Variants in CYTIP observed in about 807,000 individuals in gnomAD.
The protein encoded by CYTIP is cytohesin-interacting protein.
A neutral mutation model predicts 43.8 loss-of-function variants in CYTIP; 26 were observed. The observed-to-expected ratio is 0.59, with a 90% CI of 0.44 to 0.82. The LOEUF is 0.82. CYTIP is among the 40% of genes least tolerant of loss of function. CYTIP has a pLI of 0.00. For synonymous variants in CYTIP, 162 were observed against 162.9 expected, an observed-to-expected ratio of 0.99 and a Z score of 0.04; for missense variants, 426 against 443.1, an observed-to-expected ratio of 0.96 and a Z score of 0.35.
chr2:157,434,843 T>G, intron 1 of CYTIP, 96 bp from the exon 2 acceptor site: 4 of 375,772 alleles, frequency 1.1e-5, no homozygotes, highest in South Asian at 9.2e-5. Flanking sequence ...TCTCTCTCTC[T>G]CTCTCTCACA....
Position 157,415,741 on chromosome 2 carries a change from T to C in CYTIP, c.1016A>G (p.Lys339Arg). Residue 339 changes from lysine (K) to arginine (R), a missense_variant, in exon 8 of 8, where the codon AAG becomes AGG. By Grantham distance (26) the Lys-to-Arg change is conservative. Transcript: ENST00000264192. ...PRKSRKGSVR[K>R]QLLKFIPGLH... ...GCCAGGGATAAATTTCAAGAGTTGC[T>C]TTCGGACACTTCCCTTTCTGCTCTT... 1 of 1,614,164 alleles carries C rather than the reference T, an allele frequency of 6.2e-7. No homozygotes were observed. Among genetic ancestry groups the C allele is most frequent in the Non-Finnish European group, 8.5e-7 (1 of 1,180,000 alleles).
chr2:157,440,096 G>A (rs1432582075), intron 1 of CYTIP, among the ~76,000 whole-genome samples: 1 of 152,144 alleles, frequency 6.6e-6, no homozygotes, highest in Non-Finnish European at 1.5e-5. Flanking sequence ...GGGTGCGGGG[G>A]AGAGGTTACT....
chr2:157,418,577 G>A lies in CYTIP; in HGVS notation c.559C>T (p.Gln187Ter). ...KLQVLKQTLK[Q>*]KWVEYRSLQL... The stretch of plus-strand genomic sequence containing the variant: ...AGAGATCTGTACTCCACCCATTTTT[G>A]TTTCAAAGTTTGCTGTGAGATTAAA... Residue 187 changes from glutamine to a stop codon, truncating the protein, a stop_gained, in exon 7 of 8, where the codon CAA (glutamine) becomes TAA (stop). Coordinates refer to ENST00000264192, the MANE Select transcript of CYTIP (RefSeq NM_004288.5). LOFTEE classifies it high-confidence loss of function. 1 of 1,384,774 alleles carries A rather than the reference G, an allele frequency of 7.2e-7. No individual in the cohort carries two copies. Among genetic ancestry groups the A allele is most frequent in the East Asian group, 2.7e-5 (1 of 36,826 alleles). 85.8% of individuals were successfully genotyped at this position (1,384,774 alleles called of 1,614,324 possible).
chr2:157,415,858 C>T lies in CYTIP; in HGVS notation c.899G>A (p.Arg300Lys). 6.2e-7 allele frequency: 1 copy of T among 1,614,210 alleles called. No homozygotes were observed. Among genetic ancestry groups the T allele is most frequent in the South Asian group, 1.1e-5 (1 of 91,082 alleles). ...GGTGTTACTGATGCTCCGGTTCCTC[C>T]TTGAAGATGACCTCCTCAGAAAATC... Reference protein sequence around the residue: ...GDDFLRRSSSRRNRSISNTSS... With the variant: ...GDDFLRRSSSKRNRSISNTSS... Residue 300 changes from arginine to lysine, a missense_variant, in exon 8 of 8, where the codon AGG becomes AAG. Arg to Lys is a conservative substitution (Grantham distance 26). Transcript: ENST00000264192.
intron 5 of CYTIP, 52 bp downstream of exon 5, chr2:157,430,507 T>C: frequency 6.7e-7 from 1 of 1,487,316 alleles, no homozygotes; most frequent in Admixed American, 1.7e-5. Flanking sequence ...CATCAGGCTT[T>C]ATGAGAAAAC....
At chr2:157,427,280 A>C in intron 6 of CYTIP, 71 bp downstream of exon 6, 1 of 1,307,898 alleles carries the variant, frequency 7.6e-7, no homozygotes, top group African/African-American at 1.5e-5. Flanking sequence ...CAGTTCCTCA[A>C]ATAGATCTTT....
At chr2:157,435,887 A>G (rs1307194323) in intron 1 of CYTIP, among the ~76,000 whole-genome samples, 1 of 152,234 alleles carries the variant, frequency 6.6e-6, no homozygotes, top group East Asian at 1.9e-4. Context: ...CAAGTTACAC[A>G]AATGAAATGC....
chr2:157,430,738 C>T, intron 4 of CYTIP, 86 bp from the exon 5 acceptor site: 1 of 1,475,040 alleles, frequency 6.8e-7, no homozygotes, highest in Non-Finnish European at 9.5e-7. Flanking sequence ...AGCTCCAAGT[C>T]TTAAAAACAT....
chr2:157,440,144 T>C (rs1685881248), intron 1 of CYTIP, among the ~76,000 whole-genome samples: 1 of 152,150 alleles, frequency 6.6e-6, no homozygotes, highest in Non-Finnish European at 1.5e-5. Context: ...GTTACTTGTT[T>C]CAAAGGCCCC....
intron 3 of CYTIP, chr2:157,434,151 G>A: frequency 1.7e-6 from 1 of 586,412 alleles, no homozygotes; most frequent in Non-Finnish European, 3.0e-6. Flanking sequence ...AGCACAAACT[G>A]CTGAGCATAT....
At chr2:157,429,325 CA>C (rs1177776905) in intron 5 of CYTIP, among the ~76,000 whole-genome samples, 77 of 152,286 alleles carry the variant, frequency 5.1e-4, no homozygotes, top group African/African-American at 1.9e-3. Flanking sequence ...TTCATTTGAC[CA>C]TCCTTCTCTT....
Position 157,415,987 on chromosome 2 carries a change from C to G in CYTIP, c.770G>C (p.Ser257Thr). 1 of 1,614,248 alleles carries G rather than the reference C, an allele frequency of 6.2e-7. No homozygotes were observed. Among genetic ancestry groups the G allele is most frequent in the Non-Finnish European group, 8.5e-7 (1 of 1,180,048 alleles). ...KSWLSSMTMD[S>T]EDGYQTCVSE... is the part of the protein sequence containing the mutation. ...CACACACGTCTGGTAGCCATCTTCA[C>G]TGTCCATCGTCATGGAGCTCAGCCA... The change falls in exon 8 of 8, where the codon AGT becomes ACT. Residue 257 changes from serine to threonine, a missense_variant. Coordinates refer to ENST00000264192, the MANE Select transcript of CYTIP (RefSeq NM_004288.5).
chr2:157,438,498 G>A (rs1038010643), intron 1 of CYTIP, among the ~76,000 whole-genome samples: 2 of 152,164 alleles, frequency 1.3e-5, no homozygotes, highest in African/African-American at 4.8e-5. Flanking sequence ...AGTATATCAT[G>A]TACTAGTTTC....
intron 5 of CYTIP, among the ~76,000 whole-genome samples, chr2:157,429,239 C>T (rs1291335803): frequency 6.6e-6 from 1 of 152,174 alleles, no homozygotes; most frequent in East Asian, 1.9e-4. Context: ...GTCTTTTTCT[C>T]TTTCCCTTGT....
chr2:157,417,221 G>T (rs1451721824), intron 7 of CYTIP, among the ~76,000 whole-genome samples: 1 of 152,162 alleles, frequency 6.6e-6, no homozygotes, highest in Non-Finnish European at 1.5e-5. Flanking sequence ...TAGTCATAAT[G>T]CTTTCCTTTT....
At chr2:157,420,725 G>A (rs549658830) in intron 6 of CYTIP, among the ~76,000 whole-genome samples, 1 of 150,460 alleles carries the variant, frequency 6.6e-6, no homozygotes, top group Non-Finnish European at 1.5e-5. Flanking sequence ...GTAAATCTGT[G>A]GTTATATGAA....
At chr2:157,427,605 A>T (rs190014256) in intron 5 of CYTIP, among the ~76,000 whole-genome samples, 185 bp from the exon 6 acceptor site, 1 of 152,342 alleles carries the variant, frequency 6.6e-6, no homozygotes, top group African/African-American at 2.4e-5. Flanking sequence ...TTCTGATAAC[A>T]GAGAAAGAAA....
In CYTIP at chr2:157,417,453, T is replaced by C. The variant is rs183737695; in HGVS notation, c.613+1070A>G. Among the ~76,000 whole-genome samples, 18 of 152,278 alleles carry C rather than the reference T, an allele frequency of 1.2e-4. 1 individual carries two copies. The East Asian group carries it at 2.7e-3, about 23-fold the overall frequency. ...GGCTGTTTCTATAGAACAGCAAGAATTTATATTCACTGGGCCATTCAGGAT... is the reference window on the plus strand; with the variant it reads ...GGCTGTTTCTATAGAACAGCAAGAACTTATATTCACTGGGCCATTCAGGAT... On this transcript the variant is annotated intron_variant, in intron 7 of 7. Coordinates refer to ENST00000264192, the MANE Select transcript of CYTIP (RefSeq NM_004288.5).
At chr2:157,439,361 G>A (rs1239965954) in intron 1 of CYTIP, 1 of 152,186 alleles carries the variant, frequency 6.6e-6, no homozygotes, top group Non-Finnish European at 1.5e-5. Flanking sequence ...GATGTGGAAA[G>A]GAATGTTCCC....
Sources: allele counts gnomAD v4.1 joint callset (sites outside exome capture counted in the v4.1 genomes callset), GRCh38; gene constraint gnomAD v4.1.1; transcripts MANE v1.5; gene names NCBI Gene and HGNC (gene_info 2026-07-23, HGNC 2026-07-21).